Variants in GAD2 observed in about 807,000 individuals in gnomAD.
GAD2 encodes glutamate decarboxylase 2.
Under a neutral mutation model 80.1 loss-of-function variants are expected in GAD2, and 22 were observed. The ratio of observed to expected loss-of-function variants is 0.27; its 90% CI spans 0.20 to 0.39. The LOEUF (loss-of-function observed/expected upper bound fraction) is 0.39. Ranked by LOEUF, GAD2 falls within the 10% of genes least tolerant of loss-of-function variation. The probability of loss-of-function intolerance (pLI) is 1.00; values close to 1 mark genes in which losing one functional copy is unlikely to be tolerated. For synonymous variants in GAD2, 274 were observed against 256.9 expected, an observed-to-expected ratio of 1.07 and a Z score of -0.64; for missense variants, 624 against 738.4, an observed-to-expected ratio of 0.85 and a Z score of 1.80.
At chr10:26,246,103 C>G in intron 8 of GAD2, 103 bp downstream of exon 8, 1 of 821,816 alleles carries the variant, frequency 1.2e-6, no homozygotes, top group Non-Finnish European at 2.0e-6. Flanking sequence ...GCAGCAAGTC[C>G]ACCTCCCTCC....
chr10:26,252,450 C>A (rs934867626), intron 8 of GAD2, among the ~76,000 whole-genome samples: 1 of 152,034 alleles, frequency 6.6e-6, no homozygotes, highest in African/African-American at 2.4e-5. Context: ...TCAAGAGAGT[C>A]TCCTGCCTCA....
intron 8 of GAD2, among the ~76,000 whole-genome samples, chr10:26,255,604 AGAAG>A (rs145314243): frequency 5.7e-5 from 8 of 139,546 alleles, no homozygotes; most frequent in Admixed American, 1.4e-4. Context: ...ATGGAAGGAA[AGAAG>A]GAAGGAAGGA....
At chr10:26,216,437 CGT>C (rs1844369881), upstream of GAD2, 1 of 172,328 alleles carries the variant, frequency 5.8e-6, no homozygotes, top group African/African-American at 2.4e-5. The surrounding 1 kb of genome is among the most constrained non-coding windows in gnomAD (Gnocchi z 4.7). Flanking sequence ...CTCCCTCTCT[CGT>C]GTTTTTTTCC....
chr10:26,245,016 G>T (rs1193736646), intron 7 of GAD2, among the ~76,000 whole-genome samples: 1 of 151,986 alleles, frequency 6.6e-6, no homozygotes, highest in Non-Finnish European at 1.5e-5. Flanking sequence ...AGCTAGGCAT[G>T]GTGGTGGGCA....
chr10:26,280,870 T>A (rs1845263121), intron 11 of GAD2, 139 bp from the exon 12 acceptor site: 1 of 531,616 alleles, frequency 1.9e-6, no homozygotes, highest in Non-Finnish European at 3.3e-6. Context: ...CTATTTAATT[T>A]TTAAAATTAA....
At chr10:26,280,890 A>G (rs1845263323) in intron 11 of GAD2, 119 bp from the exon 12 acceptor site, 1 of 630,682 alleles carries the variant, frequency 1.6e-6, no homozygotes, top group Non-Finnish European at 2.8e-6. Context: ...AAATAAATAA[A>G]TACATTTAGT....
chr10:26,234,689 A>C (rs1844648611), intron 7 of GAD2, among the ~76,000 whole-genome samples: 1 of 152,118 alleles, frequency 6.6e-6, no homozygotes. Flanking sequence ...AAGTCATATT[A>C]ATGCTCCTCT....
At chr10:26,284,596 G>T (rs551349579) in intron 12 of GAD2, among the ~76,000 whole-genome samples, 4 of 144,886 alleles carry the variant, frequency 2.8e-5, no homozygotes, top group Non-Finnish European at 3.0e-5. Flanking sequence ...TTGAGACGGG[G>T]TCTCTTTCTC....
At chr10:26,233,394 C>T (rs1844630578) in intron 7 of GAD2, among the ~76,000 whole-genome samples, 3 of 152,174 alleles carry the variant, frequency 2.0e-5, no homozygotes. Flanking sequence ...AAAACATTCT[C>T]ATCATCTCGT....
chr10:26,253,484 CA>C (rs1287222280), intron 8 of GAD2, among the ~76,000 whole-genome samples: 9 of 152,294 alleles, frequency 5.9e-5, no homozygotes, highest in African/African-American at 2.2e-4. Context: ...TGAAAGAAAA[CA>C]GAGCAATATT....
intron 4 of GAD2, among the ~76,000 whole-genome samples, chr10:26,223,300 C>G (rs1844476445): frequency 6.6e-6 from 1 of 152,148 alleles, no homozygotes; most frequent in South Asian, 2.1e-4. Flanking sequence ...CAATCATCAC[C>G]TTTTGAATCC....
Position 26,224,581 on chromosome 10 carries a change from T to C in GAD2, c.654T>C (p.Tyr218=). ...CTCCAGTATTTGTGCTTTTGGAATA[T>C]GTCACACTAAAGAAAATGAGAGAAA... ...EIAPVFVLLE[Y]VTLKKMREII... is the part of the protein sequence containing the mutation. The change falls in exon 6 of 16, where the codon TAT becomes TAC. Residue 218 remains tyrosine (Y), a synonymous_variant. Transcript: ENST00000376261. The C allele has an allele frequency of 6.2e-7, 1 of 1,614,088 alleles. No individual in the cohort carries two copies. The highest frequency in any genetic ancestry group is 1.1e-5 in the South Asian group (1 of 91,082).
chr10:26,264,082 A>G (rs1845040170), intron 8 of GAD2, among the ~76,000 whole-genome samples: 1 of 152,206 alleles, frequency 6.6e-6, no homozygotes, highest in Admixed American at 6.5e-5. Context: ...TGCTAATAAC[A>G]ATGTAACAAT....
chr10:26,263,043 A>G (rs1209687996), intron 8 of GAD2, among the ~76,000 whole-genome samples: 1 of 152,156 alleles, frequency 6.6e-6, no homozygotes, highest in Non-Finnish European at 1.5e-5. Context: ...TTACCATATC[A>G]TGATTGGAGT....
chr10:26,231,654 G>A (rs1004316292), intron 7 of GAD2, among the ~76,000 whole-genome samples: 3 of 152,088 alleles, frequency 2.0e-5, no homozygotes, highest in Non-Finnish European at 1.5e-5. Flanking sequence ...AAACTTTGTG[G>A]CTTACAACAA....
chr10:26,251,351 G>A lies in GAD2; in HGVS notation c.920+5351G>A, dbSNP rs7914958. The stretch of plus-strand genomic sequence containing the variant: ...AGCTGGCTTTGGAGCTGGCTTTGGA[G>A]CTGGATTATTTAAATTCCAATCTCA... On this transcript the variant is annotated intron_variant, in intron 8 of 15. Coordinates refer to ENST00000376261, the MANE Select transcript of GAD2 (RefSeq NM_001134366.2). 4.4e-3 allele frequency among the ~76,000 whole-genome samples: 668 copies of A among 152,244 alleles called. 5 individuals are homozygous for A. The highest frequency in any genetic ancestry group is 0.015 in the African/African-American group (640 of 41,530).
intron 12 of GAD2, among the ~76,000 whole-genome samples, chr10:26,286,035 G>A (rs909609801): frequency 2.0e-5 from 3 of 152,124 alleles, no homozygotes; most frequent in Non-Finnish European, 4.4e-5. Context: ...TGCTCTGGTT[G>A]TGATTTTTAT....
chr10:26,265,227 C>T (rs1233982651), intron 8 of GAD2, among the ~76,000 whole-genome samples: 11 of 139,872 alleles, frequency 7.9e-5, no homozygotes, highest in African/African-American at 1.1e-4. Flanking sequence ...TTTTTTTAGA[C>T]GGAGTCTCAC....
At chr10:26,227,289 T>C (rs546401766) in intron 6 of GAD2, among the ~76,000 whole-genome samples, 1 of 152,322 alleles carries the variant, frequency 6.6e-6, no homozygotes, top group Non-Finnish European at 1.5e-5. Flanking sequence ...TCTTAGAGGA[T>C]TCGTAGGAAA....
Sources: allele counts gnomAD v4.1 joint callset (sites outside exome capture counted in the v4.1 genomes callset), GRCh38; gene constraint gnomAD v4.1.1; non-coding constraint Gnocchi (gnomAD v3.1); transcripts MANE v1.5; gene names NCBI Gene and HGNC (gene_info 2026-07-23, HGNC 2026-07-21).